The following PSMA1 variants were observed in gnomAD, a reference collection of about 807,000 sequenced individuals.
PSMA1 encodes the protein proteasome 20S subunit alpha 1.
In PSMA1, 3 loss-of-function variants were observed where a neutral mutation model predicts 38.4. The observed-to-expected ratio is 0.08, with a 90% CI of 0.04 to 0.20. The LOEUF (loss-of-function observed/expected upper bound fraction) is 0.20, where lower values mean the gene tolerates loss of function less well. PSMA1 is among the 10% of genes least tolerant of loss of function. The pLI is 1.00. For missense variants in PSMA1, 227 were observed against 325.3 expected, an observed-to-expected ratio of 0.70 and a Z score of 2.32; for synonymous variants, 101 against 107.1, an observed-to-expected ratio of 0.94 and a Z score of 0.35.
chr11:14,596,899 A>G (rs1852503118), intron 2 of PSMA1, among the ~76,000 whole-genome samples: 5 of 152,176 alleles, frequency 3.3e-5, no homozygotes, highest in Admixed American at 3.3e-4. Flanking sequence ...AATAGCTCTT[A>G]TTATTTTGAA....
intron 8 of PSMA1, 24 bp from the exon 9 acceptor site, chr11:14,507,790 G>C (rs761804090): frequency 2.8e-6 from 4 of 1,427,808 alleles, no homozygotes; most frequent in Admixed American, 1.9e-5. Flanking sequence ...TATGGTAAAA[G>C]TAAAATAAGA....
intron 1 of PSMA1, among the ~76,000 whole-genome samples, chr11:14,631,013 C>A (rs771653411): frequency 1.7e-4 from 26 of 152,092 alleles, no homozygotes; most frequent in Non-Finnish European, 3.4e-4. Flanking sequence ...GTGGTGATAT[C>A]CCCTTTATCA....
intron 2 of PSMA1, among the ~76,000 whole-genome samples, chr11:14,595,396 A>T (rs983899016): frequency 3.3e-5 from 5 of 152,174 alleles, no homozygotes; most frequent in African/African-American, 1.2e-4. Context: ...TTATTTCTCC[A>T]CATCCTCTCC....
intron 2 of PSMA1, among the ~76,000 whole-genome samples, chr11:14,545,500 C>T (rs1439917218): frequency 1.3e-5 from 2 of 152,152 alleles, no homozygotes; most frequent in African/African-American, 4.8e-5. Context: ...ATGTGTTGTT[C>T]CCCTTCCTGT....
chr11:14,616,413 G>A (rs1852774439), intron 1 of PSMA1, among the ~76,000 whole-genome samples: 1 of 151,726 alleles, frequency 6.6e-6, no homozygotes, highest in Non-Finnish European at 1.5e-5. Context: ...TATACTTTTA[G>A]TAGGGATGGA....
At chr11:14,519,214 A>G (rs1405575648) in intron 1 of PSMA1, 173 bp from the exon 2 acceptor site, 1 of 677,918 alleles carries the variant, frequency 1.5e-6, no homozygotes, top group Admixed American at 2.1e-5. Flanking sequence ...TACATTTACC[A>G]TAAACTCGTG....
At chr11:14,519,377 T>G (rs1286802182) in intron 1 of PSMA1, among the ~76,000 whole-genome samples, 1 of 152,214 alleles carries the variant, frequency 6.6e-6, no homozygotes. Context: ...TGGGCCCTAA[T>G]AAATGGTTAA....
chr11:14,605,156 G>A (rs971034005), intron 2 of PSMA1, among the ~76,000 whole-genome samples: 3 of 152,048 alleles, frequency 2.0e-5, no homozygotes, highest in South Asian at 2.1e-4. Flanking sequence ...GAACTAATTC[G>A]CATTCCCATC....
intron 2 of PSMA1, among the ~76,000 whole-genome samples, chr11:14,590,692 T>A (rs1294306357): frequency 3.3e-5 from 5 of 152,158 alleles, no homozygotes; most frequent in Non-Finnish European, 5.9e-5. Context: ...CCAAGAGAGA[T>A]CGTAGCGGGG....
At chr11:14,574,002 T>A (rs1263685175) in intron 2 of PSMA1, among the ~76,000 whole-genome samples, 2 of 152,216 alleles carry the variant, frequency 1.3e-5, no homozygotes, top group Admixed American at 1.3e-4. Context: ...GCCTCTAAAA[T>A]TCTATGTTCA....
chr11:14,577,760 G>T (rs955512479), intron 2 of PSMA1, among the ~76,000 whole-genome samples: 2 of 152,110 alleles, frequency 1.3e-5, no homozygotes, highest in Non-Finnish European at 2.9e-5. Context: ...GGCAAAGCCA[G>T]AATTTGAACC....
upstream of PSMA1, among the ~76,000 whole-genome samples, chr11:14,521,777 AAC>A (rs1394328338): frequency 6.6e-5 from 10 of 150,924 alleles, 1 homozygote; most frequent in Non-Finnish European, 1.0e-4. Flanking sequence ...AAAAAAAAAA[AAC>A]AAAAAACAAA....
chr11:14,512,448 T>A (rs555384303), intron 7 of PSMA1, among the ~76,000 whole-genome samples: 2 of 152,232 alleles, frequency 1.3e-5, no homozygotes, highest in South Asian at 4.1e-4. Context: ...ATGCTTTGTA[T>A]CATCAAAGTA....
In PSMA1 at chr11:14,628,372, T is replaced by C. The variant is rs1590016092; in HGVS notation, c.-166+15083A>G. Reference sequence around the variant, plus strand: ...TGATATTCCCCTTCCTGTGTCCATGTGATCTCATTGTTCAATTCCCACCTA... The same window carrying C: ...TGATATTCCCCTTCCTGTGTCCATGCGATCTCATTGTTCAATTCCCACCTA... On this transcript the variant is annotated intron_variant, in intron 1 of 10. Transcript: ENST00000418988. Among the ~76,000 whole-genome samples the C allele has an allele frequency of 1.5e-5, 2 of 129,808 alleles. 1 individual carries two copies. The highest frequency in any genetic ancestry group is 5.7e-4 in the South Asian group (2 of 3,512). The allele number at this position is 129,808 out of a possible 152,430, so 85.2% of individuals were successfully genotyped here.
At chr11:14,564,624 C>CA (rs897078913) in intron 2 of PSMA1, among the ~76,000 whole-genome samples, 1 of 152,162 alleles carries the variant, frequency 6.6e-6, no homozygotes, top group Non-Finnish European at 1.5e-5. Context: ...GCCAAACTGT[C>CA]AGAGTGGCTG....
At chr11:14,633,379 C>G (rs1387076586) in intron 1 of PSMA1, among the ~76,000 whole-genome samples, 3 of 151,950 alleles carry the variant, frequency 2.0e-5, no homozygotes, top group African/African-American at 4.8e-5. Flanking sequence ...AGCTGCAGGT[C>G]TGTTGGAGTA....
At chr11:14,592,579 G>C (rs1281484787) in intron 2 of PSMA1, among the ~76,000 whole-genome samples, 1 of 152,052 alleles carries the variant, frequency 6.6e-6, no homozygotes, top group African/African-American at 2.4e-5. Context: ...TAGAGACGGG[G>C]TTTCACCGTG....
intron 2 of PSMA1, among the ~76,000 whole-genome samples, chr11:14,555,482 A>G (rs1407181818): frequency 6.6e-6 from 1 of 152,246 alleles, no homozygotes; most frequent in Non-Finnish European, 1.5e-5. Context: ...AAGAAAAAAT[A>G]TATAAGCACA....
intron 2 of PSMA1, among the ~76,000 whole-genome samples, chr11:14,554,581 T>C (rs878961222): frequency 1.2e-4 from 18 of 152,204 alleles, no homozygotes; most frequent in Admixed American, 1.2e-3. Flanking sequence ...CTTTTCTCCA[T>C]TGAATTTTTT....
Sources: gnomAD v4.1 joint callset for allele counts (sites outside exome capture counted in the v4.1 genomes callset) on GRCh38, gnomAD v4.1.1 for gene constraint, MANE v1.5 for transcripts, NCBI Gene and HGNC (gene_info 2026-07-23, HGNC 2026-07-21) for gene names.